FREM2: variants seen among roughly 807,000 people sequenced by gnomAD.
FREM2 encodes FRAS1-related extracellular matrix protein 2.
FREM2 carries 119 observed loss-of-function variants against 219.9 expected under a neutral mutation model. The observed-to-expected ratio is 0.54, with a 90% CI of 0.47 to 0.63. The LOEUF (loss-of-function observed/expected upper bound fraction) is 0.63, where lower values mean the gene tolerates loss of function less well. Ranked by LOEUF, FREM2 falls within the 30% of genes least tolerant of loss-of-function variation. The pLI is 0.00. For missense variants in FREM2, 4,030 were observed against 3,993.6 expected (o/e 1.01, Z -0.25); for synonymous variants, 1,562 against 1,522.8 (o/e 1.03, Z -0.60).
intron 6 of FREM2, among the ~76,000 whole-genome samples, chr13:38,785,041 C>T (rs966862670): frequency 2.0e-5 from 3 of 152,160 alleles, no homozygotes; most frequent in African/African-American, 2.4e-5. Flanking sequence ...TCCGCTGCGC[C>T]GTTTCTTTCA....
intron 4 of FREM2, among the ~76,000 whole-genome samples, chr13:38,771,272 A>G (rs975141930): frequency 2.0e-5 from 3 of 152,180 alleles, no homozygotes; most frequent in Admixed American, 2.0e-4. Context: ...AAATAACTAA[A>G]CTTTCTTTTG....
At chr13:38,781,435 A>C (rs967735012) in intron 4 of FREM2, among the ~76,000 whole-genome samples, 1 of 151,790 alleles carries the variant, frequency 6.6e-6, no homozygotes, top group Non-Finnish European at 1.5e-5. Flanking sequence ...ATTTTATTTT[A>C]TCCATATGTC....
chr13:38,754,892 G>GATTATTATTATTATTATTATT (rs1380525716), intron 2 of FREM2, among the ~76,000 whole-genome samples: 3 of 76,678 alleles, frequency 3.9e-5, no homozygotes, highest in South Asian at 4.0e-4. Flanking sequence ...TGATGATGAT[G>GATTATTATTATTATTATTATT]ATGATGATGA....
intron 2 of FREM2, among the ~76,000 whole-genome samples, chr13:38,716,536 A>G (rs1871009012): frequency 6.6e-6 from 1 of 151,832 alleles, no homozygotes; most frequent in Non-Finnish European, 1.5e-5. Flanking sequence ...TTTTGGAGAC[A>G]GAGTCTTGCT....
At position 38,881,878 on chromosome 13, in the gene FREM2, A is replaced by G. The variant is rs768674933; in HGVS notation, c.*1091A>G. 7 of 152,190 alleles carry G rather than the reference A, an allele frequency of 4.6e-5. No homozygotes were observed. The highest frequency in any genetic ancestry group is 1.0e-4 in the Non-Finnish European group (7 of 68,040). 9.4% of individuals were successfully genotyped at this position (152,190 alleles called of 1,614,324 possible). A position where few individuals can be genotyped will look rare whatever the true frequency, so the allele number is the denominator to read the frequency against. ...ATTTAGAACTTAAATTGGCTACAGGACATTTTATTAGCTTTCTATCCAGCA... is the reference window on the plus strand; with the variant it reads ...ATTTAGAACTTAAATTGGCTACAGGGCATTTTATTAGCTTTCTATCCAGCA... On this transcript the variant is annotated 3_prime_UTR_variant, in exon 24 of 24. Coordinates refer to ENST00000280481, the MANE Select transcript of FREM2 (RefSeq NM_207361.6).
chr13:38,774,005 T>C (rs1272111694), intron 4 of FREM2, among the ~76,000 whole-genome samples: 9 of 150,882 alleles, frequency 6.0e-5, no homozygotes. Context: ...CTAAACAATA[T>C]ATATTCAAAT....
At chr13:38,779,454 T>C (rs1175106477) in intron 4 of FREM2, 1 of 151,708 alleles carries the variant, frequency 6.6e-6, no homozygotes, top group Non-Finnish European at 1.5e-5. Context: ...CATACTGAAA[T>C]TGGAGTTAGC....
At chr13:38,858,625 T>TA (rs1877646907) in intron 13 of FREM2, among the ~76,000 whole-genome samples, 2 of 152,218 alleles carry the variant, frequency 1.3e-5, no homozygotes, top group South Asian at 4.1e-4. Context: ...AATTATGACT[T>TA]ACTTATGTTT....
chr13:38,859,451 G>A lies in FREM2; in HGVS notation c.7380G>A (p.Thr2460=), dbSNP rs372635207. Residue 2460 remains threonine (T), a synonymous_variant, in exon 14 of 24, where the codon ACG becomes ACA. Transcript: ENST00000280481. ...AAGTGGACTTCGACACCTTTTTTAC[G>A]TCATCCAAGATGGTCACACTGGACT... The part of the protein sequence containing the change: ...MREVDFDTFF[T]SSKMVTLDSI... 1.2e-5 allele frequency: 19 copies of A among 1,614,036 alleles called. No individual in the cohort carries two copies. The highest frequency in any genetic ancestry group is 1.2e-4 in the Admixed American group (7 of 60,006).
chr13:38,703,416 G>C (rs1486306468), intron 2 of FREM2, among the ~76,000 whole-genome samples: 4 of 152,128 alleles, frequency 2.6e-5, no homozygotes, highest in Admixed American at 6.6e-5. Flanking sequence ...GTCAGGCACT[G>C]ATACAAATAT....
chr13:38,856,045 T>TAAAAAAA (rs34182165), intron 11 of FREM2, 81 bp from the exon 12 acceptor site: 16 of 602,248 alleles, frequency 2.7e-5, no homozygotes, highest in African/African-American at 9.4e-5. Context: ...TAGGCCACAG[T>TAAAAAAA]AAAAAAAAAA....
At chr13:38,698,199 A>T (rs1004486606) in intron 2 of FREM2, among the ~76,000 whole-genome samples, 1 of 152,288 alleles carries the variant, frequency 6.6e-6, no homozygotes, top group East Asian at 1.9e-4. Context: ...TGATTTGCTC[A>T]TGGGTTCTGT....
At chr13:38,766,593 G>A (rs543166091) in intron 3 of FREM2, among the ~76,000 whole-genome samples, 1 of 152,248 alleles carries the variant, frequency 6.6e-6, no homozygotes, top group South Asian at 2.1e-4. Flanking sequence ...GAGATAGATT[G>A]CATTATAGCA....
At chr13:38,779,279 C>G (rs1483872090) in intron 4 of FREM2, 1 of 151,976 alleles carries the variant, frequency 6.6e-6, no homozygotes, top group Non-Finnish European at 1.5e-5. Context: ...CTAATGCATG[C>G]AGGGCTTAAA....
chr13:38,802,471 C>G (rs1433042734), intron 6 of FREM2, among the ~76,000 whole-genome samples: 1 of 152,144 alleles, frequency 6.6e-6, no homozygotes, highest in African/African-American at 2.4e-5. Flanking sequence ...GGGCCTGCCA[C>G]CAGGAAGGCA....
chr13:38,709,572 T>A (rs1279662278), intron 2 of FREM2, among the ~76,000 whole-genome samples: 3 of 152,080 alleles, frequency 2.0e-5, no homozygotes, highest in Non-Finnish European at 2.9e-5. Context: ...GCATATATAT[T>A]ATGCAGAATA....
rs575478849 is a variant in FREM2 at position 38,854,767 on chromosome 13, T to C, written c.6926-1359T>C. On this transcript the variant is annotated intron_variant, in intron 11 of 23. Transcript: ENST00000280481. Reference sequence around the variant, plus strand: ...TTTAAAAAGAAAAAGAAAAAAATCTTTAAAGATAAAGAGAAGAAAATTGCT... The same window carrying C: ...TTTAAAAAGAAAAAGAAAAAAATCTCTAAAGATAAAGAGAAGAAAATTGCT... Among the ~76,000 whole-genome samples, 6 of 152,232 alleles carry C rather than the reference T, an allele frequency of 3.9e-5. No individual in the cohort carries two copies. The South Asian group carries it at 1.2e-3, about 32-fold the overall frequency.
chr13:38,845,160 C>T (rs2137905185), intron 6 of FREM2, among the ~76,000 whole-genome samples: 1 of 152,154 alleles, frequency 6.6e-6, no homozygotes, highest in Non-Finnish European at 1.5e-5. Flanking sequence ...TTTATCATGC[C>T]CACCATGTGA....
chr13:38,718,593 G>A (rs1871101316), intron 2 of FREM2, among the ~76,000 whole-genome samples: 2 of 152,144 alleles, frequency 1.3e-5, no homozygotes, highest in South Asian at 4.1e-4. Flanking sequence ...TATGTACACA[G>A]CGTTTCTGTA....
Sources: allele counts gnomAD v4.1 joint callset (sites outside exome capture counted in the v4.1 genomes callset), GRCh38; gene constraint gnomAD v4.1.1; transcripts MANE v1.5; gene names NCBI Gene and HGNC (gene_info 2026-07-23, HGNC 2026-07-21).